The following PYM1 variants were observed in gnomAD, a reference collection of about 807,000 sequenced individuals.
PYM1 encodes PYM1 exon junction complex associated factor, also known as partner of Y14 and mago.
In PYM1, 7 loss-of-function variants were observed where a neutral mutation model predicts 20.7. The observed-to-expected ratio is 0.34, with a 90% CI of 0.19 to 0.64. The LOEUF is 0.64. Among genes scored for constraint, PYM1 ranks in the 30% least tolerant of loss-of-function variants. The pLI is 0.74. For synonymous variants in PYM1, 100 were observed against 99.2 expected (o/e 1.01, Z -0.05); for missense variants, 194 against 250.0 (o/e 0.78, Z 1.51).
rs571150773 is a variant in PYM1 at position 55,916,036 on chromosome 12, G to C, written c.37+11689C>G. ...CAGCCAAGGAAACAGTCTTCAAGAG[G>C]TTAAACACATGGTCAAGTCTTGGTG... On this transcript the variant is annotated intron_variant, in intron 1 of 2. Coordinates refer to ENST00000408946, the MANE Select transcript of PYM1 (RefSeq NM_032345.3). Among the ~76,000 whole-genome samples, 8 of 152,300 alleles carry C rather than the reference G, an allele frequency of 5.3e-5. No homozygotes were observed. In the South Asian group the frequency reaches 1.7e-3, roughly 32 times the overall value.
In PYM1 at chr12:55,903,252, T is replaced by C. The variant is rs1379745298; in HGVS notation, c.131+135A>G. 4 of 708,642 alleles carry C rather than the reference T, an allele frequency of 5.6e-6. No homozygotes were observed. In the Admixed American group the frequency reaches 8.7e-5, roughly 15 times the overall value. 43.9% of individuals were successfully genotyped at this position (708,642 alleles called of 1,614,324 possible). ...CCTGAATCCCAGACTCTTTCTCTCC[T>C]TTCTCAGATAGTTGCCCCTCCTTCC... On this transcript the variant is annotated intron_variant, in intron 2 of 2. Transcript: ENST00000408946.
At chr12:55,903,973 T>C (rs1021831606) in intron 1 of PYM1, among the ~76,000 whole-genome samples, 1 of 152,002 alleles carries the variant, frequency 6.6e-6, no homozygotes, top group Non-Finnish European at 1.5e-5. Flanking sequence ...TTTTGTTTCA[T>C]TTTGTTTTGT....
chr12:55,909,661 A>C (rs1452405737), intron 1 of PYM1, among the ~76,000 whole-genome samples: 1 of 152,116 alleles, frequency 6.6e-6, no homozygotes, highest in Non-Finnish European at 1.5e-5. Flanking sequence ...GAAGGGACAG[A>C]ATTGGCTGAA....
At chr12:55,910,205 C>T (rs958769253) in intron 1 of PYM1, among the ~76,000 whole-genome samples, 1 of 151,042 alleles carries the variant, frequency 6.6e-6, no homozygotes, top group Non-Finnish European at 1.5e-5. Context: ...CTTAGGAGGT[C>T]CTGAGAACAT....
chr12:55,901,964 C>A lies in PYM1; in HGVS notation c.523G>T (p.Glu175Ter). The A allele has an allele frequency of 6.2e-7, 1 of 1,614,102 alleles. No homozygotes were observed. The highest frequency in any genetic ancestry group is 8.5e-7 in the Non-Finnish European group (1 of 1,179,970). ...TGCTCTTTGCTAGGCTGGCTGACTT[C>A]CCCAGCCTGGATCCGCTGCTGCAGC... Reference protein sequence around the residue: ...EELQQRIQAGEVSQPSKEQLE... With the variant: ...EELQQRIQAG The change falls in exon 3 of 3, where the codon GAA (glutamate) becomes TAA (stop). Residue 175 changes from glutamate to a stop codon, truncating the protein, a stop_gained. Coordinates refer to ENST00000408946, the MANE Select transcript of PYM1 (RefSeq NM_032345.3). LOFTEE classifies it high-confidence loss of function.
intron 1 of PYM1, among the ~76,000 whole-genome samples, chr12:55,916,628 G>A (rs1017726251): frequency 6.6e-6 from 1 of 150,886 alleles, no homozygotes; most frequent in Non-Finnish European, 1.5e-5. Flanking sequence ...AGAAAGCCCC[G>A]TCTCTACTAA....
At chr12:55,924,812 G>C (rs531417450) in intron 1 of PYM1, among the ~76,000 whole-genome samples, 1 of 152,314 alleles carries the variant, frequency 6.6e-6, no homozygotes, top group East Asian at 1.9e-4. Context: ...GAGTAGCTGA[G>C]ATGACAGGCC....
At chr12:55,904,785 G>A (rs777888171) in intron 1 of PYM1, among the ~76,000 whole-genome samples, 9 of 151,408 alleles carry the variant, frequency 5.9e-5, no homozygotes, top group Non-Finnish European at 1.0e-4. Context: ...GCCGAGGCAC[G>A]AGAATCGCTT....
intron 1 of PYM1, 44 bp downstream of exon 1, chr12:55,927,681 C>G (rs1188488157): frequency 3.6e-5 from 55 of 1,537,090 alleles, no homozygotes; most frequent in Non-Finnish European, 8.7e-6. Flanking sequence ...ACCAGAGACC[C>G]GCGGGAGGGG....
At chr12:55,914,159 A>C (rs768325777) in intron 1 of PYM1, 3 of 592,106 alleles carry the variant, frequency 5.1e-6, no homozygotes, top group Non-Finnish European at 9.1e-6. Flanking sequence ...ATTATAGCTG[A>C]AGGTTTAGGA....
intron 1 of PYM1, among the ~76,000 whole-genome samples, chr12:55,906,550 T>C (rs1293945448): frequency 6.6e-6 from 1 of 152,184 alleles, no homozygotes; most frequent in Non-Finnish European, 1.5e-5. Flanking sequence ...ATAGTTTTGC[T>C]TGCAGACCTT....
At chr12:55,905,659 C>A (rs1443380105) in intron 1 of PYM1, among the ~76,000 whole-genome samples, 1 of 146,684 alleles carries the variant, frequency 6.8e-6, no homozygotes, top group South Asian at 2.1e-4. Context: ...GTGGAGATTG[C>A]GCCACTGCAC....
At chr12:55,903,102 CCCTCCCCAACTTT>C (rs1007770755) in intron 2 of PYM1, among the ~76,000 whole-genome samples, 1 of 152,108 alleles carries the variant, frequency 6.6e-6, no homozygotes, top group Non-Finnish European at 1.5e-5. Flanking sequence ...TCTTTATGGT[CCCTCCCCAACTTT>C]CCTCTGCTCT....
Position 55,924,196 on chromosome 12 carries a change from G to A in PYM1, c.37+3529C>T, listed in dbSNP as rs189770053. ...TGGTTTTGGTCAGGTTGGATTTGAGGTATAACAGTATATCCAAGAGTGAAG... is the reference window on the plus strand; with the variant it reads ...TGGTTTTGGTCAGGTTGGATTTGAGATATAACAGTATATCCAAGAGTGAAG... On this transcript the variant is annotated intron_variant, in intron 1 of 2. Transcript: ENST00000408946. Among the ~76,000 whole-genome samples the A allele has an allele frequency of 7.2e-5, 11 of 152,212 alleles. No homozygotes were observed. In the East Asian group the frequency reaches 2.1e-3, roughly 29 times the overall value.
intron 1 of PYM1, among the ~76,000 whole-genome samples, chr12:55,923,363 T>G (rs2136270146): frequency 6.6e-6 from 1 of 151,922 alleles, no homozygotes; most frequent in East Asian, 1.9e-4. Flanking sequence ...CCCAGGAATT[T>G]GAGATCAGAC....
At chr12:55,916,166 C>T (rs988944908) in intron 1 of PYM1, among the ~76,000 whole-genome samples, 1 of 151,772 alleles carries the variant, frequency 6.6e-6, no homozygotes, top group Non-Finnish European at 1.5e-5. Flanking sequence ...GAAGCCCCAT[C>T]TCTACTAAAA....
intron 1 of PYM1, chr12:55,927,200 A>G (rs1883209363): frequency 1.3e-6 from 2 of 1,531,716 alleles, no homozygotes; most frequent in Non-Finnish European, 1.8e-6. Context: ...GCAAGCCACC[A>G]TCTTAGTCTT....
chr12:55,911,410 CCTGTTAA>C (rs1882920667), intron 1 of PYM1, among the ~76,000 whole-genome samples: 1 of 152,080 alleles, frequency 6.6e-6, no homozygotes, highest in Admixed American at 6.6e-5. Context: ...CTGAGCCCGG[CCTGTTAA>C]TAGAGATTTT....
At chr12:55,926,484 G>C (rs1449944835) in intron 1 of PYM1, among the ~76,000 whole-genome samples, 1 of 152,188 alleles carries the variant, frequency 6.6e-6, no homozygotes, top group Admixed American at 6.5e-5. Flanking sequence ...ACCATCACGG[G>C]AGAAGGTAGC....
Sources: allele counts gnomAD v4.1 joint callset (sites outside exome capture counted in the v4.1 genomes callset), GRCh38; gene constraint gnomAD v4.1.1; transcripts MANE v1.5; gene names NCBI Gene and HGNC (gene_info 2026-07-23, HGNC 2026-07-21).